TMEM108: variants seen among roughly 807,000 people sequenced by gnomAD.
The protein encoded by TMEM108 is transmembrane protein 108.
Under a neutral mutation model 35.1 loss-of-function variants are expected in TMEM108, and 12 were observed. The observed-to-expected ratio is 0.34, with a 90% CI of 0.22 to 0.55. The LOEUF is 0.55. Among genes scored for constraint, TMEM108 ranks in the 20% least tolerant of loss-of-function variants. TMEM108 has a pLI of 0.89. For synonymous variants in TMEM108, 287 were observed against 308.6 expected (o/e 0.93, Z 0.73); for missense variants, 680 against 753.3 (o/e 0.90, Z 1.14).
intron 3 of TMEM108, among the ~76,000 whole-genome samples, chr3:133,254,944 A>G (rs1376079104): frequency 6.6e-5 from 10 of 152,158 alleles, no homozygotes; most frequent in Non-Finnish European, 1.5e-4. Context: ...CTGGCTGTGA[A>G]TGGGACCTTA....
chr3:133,380,352 G>A lies in TMEM108; in HGVS notation c.641G>A (p.Gly214Glu). ...STPLGQKRPL[G>E]KIFQIYKGNF... ...CCTCTGGGGCAGAAGCGGCCCCTGG[G>A]GAAAATCTTTCAGATCTACAAGGGC... Residue 214 changes from glycine to glutamate, a missense_variant, in exon 4 of 6, where the codon GGG (glycine) becomes GAG (glutamate). Gly to Glu is a moderately conservative substitution (Grantham distance 98). Around this residue, in one of 3 missense-constraint regions of TMEM108, gnomAD observed 526 missense variants for 532.1 expected, o/e 0.99. Coordinates refer to ENST00000321871, the MANE Select transcript of TMEM108 (RefSeq NM_023943.4). This position sits in a 1 kb window ranked among gnomAD's most constrained non-coding sequence, Gnocchi z 5.3. 1 of 1,614,054 alleles carries A rather than the reference G, an allele frequency of 6.2e-7. No individual in the cohort carries two copies. The highest frequency in any genetic ancestry group is 8.5e-7 in the Non-Finnish European group (1 of 1,179,978).
chr3:133,229,635 A>C (rs1946122052), intron 3 of TMEM108, among the ~76,000 whole-genome samples: 2 of 152,244 alleles, frequency 1.3e-5, no homozygotes. Flanking sequence ...CATTATAATA[A>C]TTCTAAATTG....
chr3:133,212,104 C>A (rs552811626), intron 2 of TMEM108, among the ~76,000 whole-genome samples: 1 of 152,200 alleles, frequency 6.6e-6, no homozygotes, highest in East Asian at 1.9e-4. Flanking sequence ...CAGTATAAAT[C>A]CCTCCAGGGA....
chr3:133,368,008 G>A (rs976917749), intron 3 of TMEM108, among the ~76,000 whole-genome samples: 3 of 152,220 alleles, frequency 2.0e-5, no homozygotes, highest in Admixed American at 6.5e-5. Context: ...AGAATTTGAA[G>A]CTAAGGGTAC....
rs528451971 is a variant in TMEM108 at position 133,216,884 on chromosome 3, T to TAC, written c.-46-12380_-46-12379dup. Among the ~76,000 whole-genome samples, 286 of 152,282 alleles carry TAC rather than the reference T, an allele frequency of 1.9e-3. 2 individuals carry two copies. Among genetic ancestry groups the TAC allele is most frequent in the African/African-American group, 6.5e-3 (272 of 41,592 alleles). On this transcript the variant is annotated intron_variant, in intron 2 of 5. Coordinates refer to ENST00000321871, the MANE Select transcript of TMEM108 (RefSeq NM_023943.4). ...ATATCTTGACTGTTGTGAATATTGC[T>TAC]ACAGTGAACATGGACGTGCATATCT...
chr3:133,112,405 A>T (rs1201363445), intron 2 of TMEM108, among the ~76,000 whole-genome samples: 1 of 152,336 alleles, frequency 6.6e-6, no homozygotes, highest in Admixed American at 6.5e-5. Context: ...AGCAAAACAT[A>T]ATGAAGATAT....
At chr3:133,349,725 A>G (rs375923285) in intron 3 of TMEM108, among the ~76,000 whole-genome samples, 3 of 152,290 alleles carry the variant, frequency 2.0e-5, no homozygotes. Flanking sequence ...CAAAACCACA[A>G]TGAGATACCA....
chr3:133,392,973 T>C (rs2073256030), intron 5 of TMEM108, among the ~76,000 whole-genome samples: 2 of 152,342 alleles, frequency 1.3e-5, no homozygotes, highest in South Asian at 4.1e-4. Flanking sequence ...CAAGTGGCTC[T>C]TCTCTACATT....
In TMEM108 at chr3:133,342,365, A is replaced by T. The variant is rs530193466; in HGVS notation, c.41-37387A>T. On this transcript the variant is annotated intron_variant, in intron 3 of 5. Coordinates refer to ENST00000321871, the MANE Select transcript of TMEM108 (RefSeq NM_023943.4). ...TTTTAAAAATAACTAAAAGAGTATAACTGGATTGTTTGTAACACAAAGGAT... is the reference window on the plus strand; with the variant it reads ...TTTTAAAAATAACTAAAAGAGTATATCTGGATTGTTTGTAACACAAAGGAT... 2.0e-5 allele frequency among the ~76,000 whole-genome samples: 3 copies of T among 150,886 alleles called. No homozygotes were observed. In the South Asian group the frequency reaches 6.3e-4, roughly 32 times the overall value.
chr3:133,273,757 T>C (rs1408972070), intron 3 of TMEM108, among the ~76,000 whole-genome samples: 1 of 152,206 alleles, frequency 6.6e-6, no homozygotes, highest in Non-Finnish European at 1.5e-5. Context: ...CAACAAGTCA[T>C]GGCAAACGGA....
intron 3 of TMEM108, among the ~76,000 whole-genome samples, chr3:133,330,763 T>C (rs2071384925): frequency 6.6e-6 from 1 of 152,178 alleles, no homozygotes; most frequent in Non-Finnish European, 1.5e-5. Context: ...TCTGTTTTTT[T>C]AATGTGTTCA....
chr3:133,233,292 TG>T (rs1163899144), intron 3 of TMEM108, among the ~76,000 whole-genome samples: 3 of 152,174 alleles, frequency 2.0e-5, no homozygotes, highest in African/African-American at 7.2e-5. Flanking sequence ...ATGCAGTGTT[TG>T]GTTTTTTGTT....
chr3:133,291,795 G>A (rs1337323865), intron 3 of TMEM108, among the ~76,000 whole-genome samples: 1 of 152,126 alleles, frequency 6.6e-6, no homozygotes, highest in African/African-American at 2.4e-5. Context: ...ACCTGGAGCC[G>A]TTTCAACTCC....
At chr3:133,172,709 G>A (rs923973118) in intron 2 of TMEM108, among the ~76,000 whole-genome samples, 2 of 152,132 alleles carry the variant, frequency 1.3e-5, no homozygotes, top group African/African-American at 2.4e-5. Flanking sequence ...TTTTAAAAAA[G>A]GACTTGCAAT....
At chr3:133,395,522 C>T (rs927544691) in intron 5 of TMEM108, among the ~76,000 whole-genome samples, 1 of 152,186 alleles carries the variant, frequency 6.6e-6, no homozygotes, top group Admixed American at 6.5e-5. Flanking sequence ...GTATGTGTGT[C>T]ATGCATGGCA....
At chr3:133,364,775 A>C (rs1559929355) in intron 3 of TMEM108, among the ~76,000 whole-genome samples, 1 of 152,262 alleles carries the variant, frequency 6.6e-6, no homozygotes, top group Non-Finnish European at 1.5e-5. Flanking sequence ...CATCTGTGGC[A>C]GACCTGGTTC....
At chr3:133,230,919 T>C (rs971529204) in intron 3 of TMEM108, among the ~76,000 whole-genome samples, 5 of 152,224 alleles carry the variant, frequency 3.3e-5, no homozygotes, top group Non-Finnish European at 7.3e-5. Flanking sequence ...AGAAAACGAC[T>C]GTGTCTTAAC....
chr3:133,158,112 C>A (rs1944905859), intron 2 of TMEM108, among the ~76,000 whole-genome samples: 2 of 151,740 alleles, frequency 1.3e-5, no homozygotes, highest in African/African-American at 4.8e-5. Flanking sequence ...CAACAACAAA[C>A]AAAAAAACAG....
intron 2 of TMEM108, among the ~76,000 whole-genome samples, chr3:133,114,723 T>G (rs1944267027): frequency 1.3e-5 from 2 of 152,154 alleles, no homozygotes; most frequent in South Asian, 4.1e-4. Context: ...TATCCTCTCT[T>G]CCATGGATAG....
Sources: allele counts gnomAD v4.1 joint callset (sites outside exome capture counted in the v4.1 genomes callset), GRCh38; gene constraint gnomAD v4.1.1; regional missense constraint gnomAD v4.1.1; non-coding constraint Gnocchi (gnomAD v3.1); transcripts MANE v1.5; gene names NCBI Gene and HGNC (gene_info 2026-07-23, HGNC 2026-07-21).